Variants in EXOC4 observed in about 807,000 individuals in gnomAD.
EXOC4 encodes the protein SEC8-like 1.
Under a neutral mutation model 107.2 loss-of-function variants are expected in EXOC4, and 71 were observed. The ratio of observed to expected loss-of-function variants is 0.66; its 90% CI spans 0.55 to 0.81. The LOEUF (loss-of-function observed/expected upper bound fraction) is 0.81. EXOC4 is among the 30% of genes least tolerant of loss of function. The pLI, the probability that EXOC4 is intolerant of heterozygous loss-of-function variation, is 0.00. For synonymous variants in EXOC4, 456 were observed against 441.2 expected (o/e 1.03, Z -0.42); for missense variants, 1,108 against 1,189.6 (o/e 0.93, Z 1.01).
chr7:134,014,457 G>A (rs1468590334), intron 17 of EXOC4, among the ~76,000 whole-genome samples: 1 of 152,080 alleles, frequency 6.6e-6, no homozygotes, highest in Non-Finnish European at 1.5e-5. Context: ...AATAGAACGT[G>A]GTACATTCAT....
In EXOC4 at chr7:133,887,246, AT is replaced by A. The variant is rs1799105124; in HGVS notation, c.1735-8350del. 2.6e-5 allele frequency among the ~76,000 whole-genome samples: 4 copies of A among 152,288 alleles called. No individual in the cohort carries two copies. In the South Asian group the frequency reaches 8.3e-4, roughly 32 times the overall value. ...AACCAAACCCAAACCACCCAAGGAG[AT>A]TTCAAAATGCAAGGTGTCTGTGTCT... On this transcript the variant is annotated intron_variant, in intron 11 of 17. Coordinates refer to ENST00000253861, the MANE Select transcript of EXOC4 (RefSeq NM_021807.4).
chr7:133,729,845 C>G (rs1203905906), intron 10 of EXOC4, among the ~76,000 whole-genome samples: 1 of 151,812 alleles, frequency 6.6e-6, no homozygotes, highest in Non-Finnish European at 1.5e-5. Context: ...AGATTCTCTC[C>G]TCACTACAGA....
intron 11 of EXOC4, among the ~76,000 whole-genome samples, chr7:133,882,585 C>G (rs922467692): frequency 6.6e-6 from 1 of 152,152 alleles, no homozygotes; most frequent in African/African-American, 2.4e-5. Context: ...GTGTTTATAA[C>G]AGGAAGACCT....
intron 10 of EXOC4, among the ~76,000 whole-genome samples, chr7:133,747,334 TGTA>T (rs1369336435): frequency 6.6e-6 from 1 of 152,146 alleles, no homozygotes; most frequent in Non-Finnish European, 1.5e-5. Context: ...TTGAAAGTAA[TGTA>T]GTCCAGAATA....
chr7:133,553,123 GTAT>G (rs1461587354), intron 9 of EXOC4, among the ~76,000 whole-genome samples: 2 of 152,218 alleles, frequency 1.3e-5, no homozygotes, highest in East Asian at 3.9e-4. Flanking sequence ...GGTAGGGGTA[GTAT>G]TATATATCCC....
chr7:133,955,989 C>T (rs757913047), intron 14 of EXOC4, among the ~76,000 whole-genome samples: 1 of 152,192 alleles, frequency 6.6e-6, no homozygotes, highest in African/African-American at 2.4e-5. Flanking sequence ...ATGCCCAGGT[C>T]CACAGCTCCA....
intron 7 of EXOC4, among the ~76,000 whole-genome samples, chr7:133,428,605 A>G (rs781029444): frequency 6.6e-5 from 10 of 152,204 alleles, no homozygotes; most frequent in African/African-American, 7.2e-5. Context: ...CACAGACTCA[A>G]TGCTTAGAAA....
At position 133,456,780 on chromosome 7, in the gene EXOC4, G is replaced by A. The variant is rs1275305072; in HGVS notation, c.1183-18548G>A. ...TCACTCCACAGATCACCTAGGTGAC[G>A]AAGATACTTGTGGTGTGTAGCACAC... On this transcript the variant is annotated intron_variant, in intron 7 of 17. Transcript: ENST00000253861. Among the ~76,000 whole-genome samples the A allele has an allele frequency of 2.6e-5, 4 of 152,278 alleles. 1 individual carries two copies. In the South Asian group the frequency reaches 8.3e-4, roughly 32 times the overall value.
chr7:133,309,136 C>A (rs1465781215), intron 4 of EXOC4, among the ~76,000 whole-genome samples: 1 of 152,170 alleles, frequency 6.6e-6, no homozygotes, highest in Non-Finnish European at 1.5e-5. Context: ...TCTGAAACTC[C>A]ATGATCACCT....
chr7:133,403,172 C>T (rs542659657), intron 7 of EXOC4, among the ~76,000 whole-genome samples: 1 of 152,300 alleles, frequency 6.6e-6, no homozygotes, highest in East Asian at 1.9e-4. Context: ...CGTGAGCCAT[C>T]GTGCCCGGCT....
chr7:134,006,163 C>T (rs945138764), intron 16 of EXOC4, among the ~76,000 whole-genome samples: 4 of 151,968 alleles, frequency 2.6e-5, no homozygotes, highest in African/African-American at 9.7e-5. Context: ...TGCATATCAA[C>T]ATTTGTTTTA....
intron 9 of EXOC4, among the ~76,000 whole-genome samples, chr7:133,595,631 C>T (rs1266730362): frequency 1.3e-5 from 2 of 152,116 alleles, no homozygotes; most frequent in Admixed American, 6.5e-5. Flanking sequence ...GCTATAACTC[C>T]CCTTATCCCC....
chr7:133,477,594 A>G lies in EXOC4; in HGVS notation c.1328+2121A>G, dbSNP rs186574349. 1.1e-3 allele frequency among the ~76,000 whole-genome samples: 163 copies of G among 152,276 alleles called. 1 individual carries two copies. Among genetic ancestry groups the G allele is most frequent in the African/African-American group, 3.7e-3 (154 of 41,562 alleles). On this transcript the variant is annotated intron_variant, in intron 8 of 17. Coordinates refer to ENST00000253861, the MANE Select transcript of EXOC4 (RefSeq NM_021807.4). ...TTGCTTCCAGCTTCTGGCAATCACGAATAAAGCTGCTTTAAACACTCATAT... is the reference window on the plus strand; with the variant it reads ...TTGCTTCCAGCTTCTGGCAATCACGGATAAAGCTGCTTTAAACACTCATAT...
intron 10 of EXOC4, among the ~76,000 whole-genome samples, chr7:133,730,847 G>A (rs1359281395): frequency 1.3e-5 from 2 of 152,116 alleles, no homozygotes; most frequent in Non-Finnish European, 2.9e-5. Flanking sequence ...CACAAGTATG[G>A]TGCACTTTGG....
intron 10 of EXOC4, among the ~76,000 whole-genome samples, chr7:133,702,837 C>T (rs1051477459): frequency 6.6e-6 from 1 of 152,150 alleles, no homozygotes; most frequent in Non-Finnish European, 1.5e-5. Context: ...CTGCTCTAGT[C>T]CTTCAGTAAG....
At chr7:133,607,600 T>G (rs1801979183) in intron 9 of EXOC4, among the ~76,000 whole-genome samples, 1 of 152,200 alleles carries the variant, frequency 6.6e-6, no homozygotes, top group African/African-American at 2.4e-5. Context: ...CTTCAAGATC[T>G]CTACAGAGTT....
chr7:133,493,657 A>AC (rs1183297540), intron 9 of EXOC4, among the ~76,000 whole-genome samples: 4 of 150,974 alleles, frequency 2.6e-5, no homozygotes, highest in Non-Finnish European at 1.5e-5. Context: ...TCCTCCCCCC[A>AC]CCCCCATTTT....
intron 17 of EXOC4, among the ~76,000 whole-genome samples, chr7:134,017,191 AC>A: frequency 6.6e-6 from 1 of 152,092 alleles, no homozygotes; most frequent in African/African-American, 2.4e-5. Context: ...TGCCTTTAAT[AC>A]CCCAGATTTT....
intron 10 of EXOC4, among the ~76,000 whole-genome samples, chr7:133,641,789 G>A (rs1802862095): frequency 6.6e-6 from 1 of 152,162 alleles, no homozygotes; most frequent in African/African-American, 2.4e-5. Context: ...AAAGAAAATT[G>A]TACAAAAATA....
Sources: allele counts gnomAD v4.1 joint callset (sites outside exome capture counted in the v4.1 genomes callset), GRCh38; gene constraint gnomAD v4.1.1; transcripts MANE v1.5; gene names NCBI Gene and HGNC (gene_info 2026-07-23, HGNC 2026-07-21).